The following RBFOX1 variants were observed in gnomAD, a reference collection of about 807,000 sequenced individuals.
RBFOX1 encodes the protein RNA binding fox-1 homolog 1, also known as RNA binding protein fox-1 homolog 1.
In RBFOX1, 8 loss-of-function variants were observed where a neutral mutation model predicts 57.7. The observed-to-expected ratio is 0.14, with a 90% confidence interval of 0.08 to 0.25. RBFOX1 has a LOEUF of 0.25. RBFOX1 is among the 10% of genes least tolerant of loss of function. RBFOX1 has a pLI of 1.00. For synonymous variants in RBFOX1, 326 were observed against 222.4 expected, an observed-to-expected ratio of 1.47 and a Z score of -4.15; for missense variants, 611 against 548.5, an observed-to-expected ratio of 1.11 and a Z score of -1.14.
At chr16:6,904,327 G>GCA in intron 3 of RBFOX1, among the ~76,000 whole-genome samples, 1 of 152,118 alleles carries the variant, frequency 6.6e-6, no homozygotes, top group Admixed American at 6.5e-5. Context: ...TAGGCCAGGT[G>GCA]GGCTGGCTCA....
chr16:7,040,530 A>T (rs2045822610), intron 3 of RBFOX1, among the ~76,000 whole-genome samples: 1 of 152,074 alleles, frequency 6.6e-6, no homozygotes, highest in South Asian at 2.1e-4. Context: ...AGAATCCAAG[A>T]TTAAAAATGA....
intron 2 of RBFOX1, among the ~76,000 whole-genome samples, chr16:5,471,652 C>A (rs942539787): frequency 2.6e-5 from 4 of 152,182 alleles, no homozygotes; most frequent in East Asian, 3.9e-4. Flanking sequence ...GGCAGAACAT[C>A]CCCCAGGTCC....
intron 2 of RBFOX1, among the ~76,000 whole-genome samples, chr16:6,564,085 C>G (rs1300618376): frequency 6.6e-6 from 1 of 152,046 alleles, no homozygotes; most frequent in Non-Finnish European, 1.5e-5. Context: ...CTCACAATCA[C>G]TTCTGGATGT....
intron 3 of RBFOX1, among the ~76,000 whole-genome samples, chr16:5,694,675 A>C (rs2050794030): frequency 6.6e-6 from 1 of 151,796 alleles, no homozygotes; most frequent in South Asian, 2.1e-4. Flanking sequence ...TTCAAATGAT[A>C]CCTCTTAGGG....
chr16:6,131,031 G>C (rs1246325590), intron 1 of RBFOX1, among the ~76,000 whole-genome samples: 1 of 152,128 alleles, frequency 6.6e-6, no homozygotes, highest in Admixed American at 6.5e-5. Flanking sequence ...ACATTATAAA[G>C]AGCGTAAGAG....
chr16:6,946,768 A>C (rs891637345), intron 3 of RBFOX1, among the ~76,000 whole-genome samples: 2 of 151,842 alleles, frequency 1.3e-5, no homozygotes, highest in African/African-American at 4.8e-5. Flanking sequence ...CTGCCCAACT[A>C]ATTATTTTTA....
intron 12 of RBFOX1, among the ~76,000 whole-genome samples, chr16:7,656,792 G>A (rs9928100): frequency 0.13 from 19,632 of 152,102 alleles, 1,597 homozygotes; most frequent in African/African-American, 0.2. Context: ...TTCAATAAAT[G>A]TGATAAGTGA....
At chr16:6,085,617 C>T (rs982261897) in intron 1 of RBFOX1, among the ~76,000 whole-genome samples, 1 of 151,704 alleles carries the variant, frequency 6.6e-6, no homozygotes, top group South Asian at 2.1e-4. Context: ...CCCTGATGAC[C>T]TGAAGGCAGG....
At chr16:7,321,061 ATCTG>A (rs36203175) in intron 4 of RBFOX1, among the ~76,000 whole-genome samples, 19,696 of 150,278 alleles carry the variant, frequency 0.13, 1,793 homozygotes, top group African/African-American at 0.26. Flanking sequence ...TTATCTATCT[ATCTG>A]TCTATCTATA....
intron 3 of RBFOX1, among the ~76,000 whole-genome samples, chr16:6,657,758 C>G (rs771100423): frequency 6.6e-6 from 1 of 152,158 alleles, no homozygotes; most frequent in Non-Finnish European, 1.5e-5. Flanking sequence ...AGCCTCTTGG[C>G]CTATGTGGAT....
intron 1 of RBFOX1, among the ~76,000 whole-genome samples, chr16:5,347,377 T>A (rs928244724): frequency 6.6e-6 from 1 of 152,166 alleles, no homozygotes; most frequent in Non-Finnish European, 1.5e-5. Context: ...AATCATACTT[T>A]GTTCTTCTGT....
chr16:5,942,271 A>T (rs942934776), intron 4 of RBFOX1, among the ~76,000 whole-genome samples: 4 of 152,146 alleles, frequency 2.6e-5, no homozygotes, highest in African/African-American at 9.7e-5. Context: ...TTTGATTGGC[A>T]GGGGACTAGG....
intron 2 of RBFOX1, among the ~76,000 whole-genome samples, chr16:5,574,780 C>G (rs2046399560): frequency 6.6e-6 from 1 of 152,138 alleles, no homozygotes; most frequent in African/African-American, 2.4e-5. Context: ...TCTCGGGAAA[C>G]CTGGGGGCTT....
intron 4 of RBFOX1, among the ~76,000 whole-genome samples, chr16:5,889,029 G>A (rs1175041180): frequency 6.6e-6 from 1 of 151,884 alleles, no homozygotes; most frequent in Admixed American, 6.6e-5. Context: ...ATAATATATT[G>A]ATCACCACAC....
chr16:5,302,677 T>C (rs2063833846), intron 1 of RBFOX1, among the ~76,000 whole-genome samples: 1 of 152,230 alleles, frequency 6.6e-6, no homozygotes, highest in Admixed American at 6.5e-5. Flanking sequence ...TATTAAATGA[T>C]CATTTTTACC....
intron 10 of RBFOX1, among the ~76,000 whole-genome samples, chr16:7,620,054 T>C (rs183280819): frequency 8.5e-4 from 129 of 152,318 alleles, no homozygotes; most frequent in Non-Finnish European, 1.2e-3. Flanking sequence ...TTAACTATTA[T>C]GTTTAGCATT....
At chr16:6,191,384 C>G (rs1320927574) in intron 1 of RBFOX1, among the ~76,000 whole-genome samples, 4 of 152,026 alleles carry the variant, frequency 2.6e-5, no homozygotes, top group Non-Finnish European at 5.9e-5. Context: ...CTTTCACTGG[C>G]AAGTGAGGCC....
intron 3 of RBFOX1, among the ~76,000 whole-genome samples, chr16:5,711,677 C>G (rs2051492982): frequency 6.6e-6 from 1 of 152,054 alleles, no homozygotes; most frequent in South Asian, 2.1e-4. Context: ...CCTTGCATGC[C>G]TTATTAAGAA....
intron 2 of RBFOX1, among the ~76,000 whole-genome samples, chr16:6,420,573 A>T (rs2093744294): frequency 6.6e-6 from 1 of 152,216 alleles, no homozygotes; most frequent in Admixed American, 6.5e-5. Context: ...CTGCAGAATT[A>T]GCTTGCAACT....
Sources: gnomAD v4.1 joint callset for allele counts (sites outside exome capture counted in the v4.1 genomes callset) on GRCh38, gnomAD v4.1.1 for gene constraint, MANE v1.5 for transcripts, NCBI Gene and HGNC (gene_info 2026-07-23, HGNC 2026-07-21) for gene names.